The following NRBF2 variants were observed in gnomAD, a reference collection of about 807,000 sequenced individuals.
NRBF2 encodes nuclear receptor binding factor 2.
Under a neutral mutation model 28.5 loss-of-function variants are expected in NRBF2, and 12 were observed. The observed-to-expected ratio is 0.42, with a 90% CI of 0.27 to 0.68. The LOEUF (loss-of-function observed/expected upper bound fraction) is 0.68. Among genes scored for constraint, NRBF2 ranks in the 30% least tolerant of loss-of-function variants. NRBF2 has a pLI of 0.24. For missense variants in NRBF2, 274 were observed against 333.5 expected (o/e 0.82, Z 1.39); for synonymous variants, 102 against 116.5 (o/e 0.88, Z 0.80).
In NRBF2 at chr10:63,153,696, C is replaced by T; in HGVS notation, c.342C>T (p.Pro114=). The T allele has an allele frequency of 1.2e-6, 2 of 1,612,250 alleles. No individual in the cohort carries two copies. Among genetic ancestry groups the T allele is most frequent in the African/African-American group, 1.3e-5 (1 of 74,950 alleles). ...PSAEDAEGQS[P]LSQKYSPSTE... Reference sequence around the variant, plus strand: ...CAGAGGATGCAGAGGGCCAGAGTCCCCTTTCTCAGAAGTACAGCCCTTCCA... The same window carrying T: ...CAGAGGATGCAGAGGGCCAGAGTCCTCTTTCTCAGAAGTACAGCCCTTCCA... Residue 114 remains proline (P), a synonymous_variant, in exon 4 of 4, where the codon CCC becomes CCT. Coordinates refer to ENST00000277746, the MANE Select transcript of NRBF2 (RefSeq NM_030759.5).
At position 63,154,762 on chromosome 10, in the gene NRBF2, A is replaced by G. The variant is rs1294139314; in HGVS notation, c.*544A>G. On this transcript the variant is annotated 3_prime_UTR_variant, in exon 4 of 4. Transcript: ENST00000277746. ...TGTGCCACACTTTGCACTACTCATA[A>G]TGATAACCTCAAGACTATCAGAAGA... The G allele has an allele frequency of 1.8e-5, 1 of 56,482 alleles. No individual in the cohort carries two copies. Among genetic ancestry groups the G allele is most frequent in the Non-Finnish European group, 5.5e-5 (1 of 18,182 alleles). 3.5% of individuals were successfully genotyped at this position (56,482 alleles called of 1,614,324 possible).
chr10:63,154,995 G>T lies in NRBF2; in HGVS notation c.*777G>T, dbSNP rs1841712956. The T allele has an allele frequency of 6.6e-6, 1 of 152,300 alleles. No individual in the cohort carries two copies. The highest frequency in any genetic ancestry group is 1.5e-5 in the Non-Finnish European group (1 of 68,034). 9.4% of individuals were successfully genotyped at this position (152,300 alleles called of 1,614,324 possible). A position where few individuals can be genotyped will look rare whatever the true frequency, so the allele number is the denominator to read the frequency against. On this transcript the variant is annotated 3_prime_UTR_variant, in exon 4 of 4. Coordinates refer to ENST00000277746, the MANE Select transcript of NRBF2 (RefSeq NM_030759.5). The stretch of plus-strand genomic sequence containing the variant: ...TAATGCTAGTTGGCAGTATTTTATT[G>T]TAAGAAATCAATAAAGTAATTGTGT...
intron 1 of NRBF2, among the ~76,000 whole-genome samples, chr10:63,137,415 G>A (rs1055235949): frequency 1.3e-5 from 2 of 152,214 alleles, no homozygotes; most frequent in African/African-American, 4.8e-5. Context: ...TCTTTGGTTT[G>A]TTTGCTGCTG....
chr10:63,135,637 ATCTTGAATTCTTT>A (rs1262688604), intron 1 of NRBF2, among the ~76,000 whole-genome samples: 3 of 149,796 alleles, frequency 2.0e-5, no homozygotes, highest in East Asian at 3.9e-4. Context: ...GAAATTTGGC[ATCTTGAATTCTTT>A]TTTTTTTTTT....
Position 63,134,663 on chromosome 10 carries a change from A to G in NRBF2, c.30+1163A>G, listed in dbSNP as rs1490839580. Among the ~76,000 whole-genome samples, 3 of 152,266 alleles carry G rather than the reference A, an allele frequency of 2.0e-5. No homozygotes were observed. In the South Asian group the frequency reaches 6.2e-4, roughly 31 times the overall value. On this transcript the variant is annotated intron_variant, in intron 1 of 3. Coordinates refer to ENST00000277746, the MANE Select transcript of NRBF2 (RefSeq NM_030759.5). ...AAGCACTTAGAACTGTACTAAGTAC[A>G]TAGTACAGTGTAAGAGTTAGCGATT...
Position 63,133,328 on chromosome 10 carries a change from G to A in NRBF2, c.-143G>A. ...CGGAGGAGGAAGTGGTGAGGTTGTT[G>A]CTCCTTCAGCGCCTATCGCTGGCTC... is the stretch of plus-strand genomic sequence containing the variant. On this transcript the variant is annotated 5_prime_UTR_variant, in exon 1 of 4. Transcript: ENST00000277746. The A allele has an allele frequency of 3.2e-6, 3 of 944,258 alleles. No homozygotes were observed. The highest frequency in any genetic ancestry group is 2.2e-5 in the Admixed American group (1 of 44,886). The allele number at this position is 944,258 out of a possible 1,614,324, so 58.5% of individuals were successfully genotyped here.
At chr10:63,149,318 C>T (rs924549974) in intron 2 of NRBF2, among the ~76,000 whole-genome samples, 1 of 152,184 alleles carries the variant, frequency 6.6e-6, no homozygotes, top group Non-Finnish European at 1.5e-5. Context: ...GGGTTTCTAC[C>T]TTGGCCTCCC....
intron 1 of NRBF2, among the ~76,000 whole-genome samples, chr10:63,139,538 A>G (rs934848716): frequency 2.0e-5 from 3 of 152,190 alleles, no homozygotes; most frequent in South Asian, 4.1e-4. Context: ...ATGAAAACCC[A>G]CTTGAAATTA....
chr10:63,152,674 G>A (rs1841667875), intron 3 of NRBF2, among the ~76,000 whole-genome samples: 1 of 152,144 alleles, frequency 6.6e-6, no homozygotes, highest in Non-Finnish European at 1.5e-5. Context: ...TCTGTGTTTG[G>A]GGAGGCCCTG....
chr10:63,147,353 T>C (rs913231882), intron 2 of NRBF2, among the ~76,000 whole-genome samples: 2 of 151,626 alleles, frequency 1.3e-5, no homozygotes, highest in Admixed American at 6.6e-5. Flanking sequence ...GGAGTCTTGC[T>C]CTGTCGCCCA....
At chr10:63,144,053 C>T (rs539057925) in intron 1 of NRBF2, among the ~76,000 whole-genome samples, 2 of 152,054 alleles carry the variant, frequency 1.3e-5, no homozygotes, top group East Asian at 3.9e-4. Flanking sequence ...CCACAGCACC[C>T]AGCCACTTTT....
chr10:63,146,041 T>G (rs1304909135), intron 1 of NRBF2, among the ~76,000 whole-genome samples, 168 bp from the exon 2 acceptor site: 1 of 152,234 alleles, frequency 6.6e-6, no homozygotes, highest in African/African-American at 2.4e-5. Context: ...ATGCTGCAGT[T>G]CTAGGCTCTA....
rs140925041 is a variant in NRBF2 at position 63,134,095 on chromosome 10, C to T, written c.30+595C>T. Among the ~76,000 whole-genome samples the T allele has an allele frequency of 5.9e-5, 9 of 151,638 alleles. No individual in the cohort carries two copies. The East Asian group carries it at 1.6e-3, about 26-fold the overall frequency. ...CGTCTTCCAAATATATTAGAGACAG[C>T]TGGGAAAAAGACAGCCGTTCCTGTA... On this transcript the variant is annotated intron_variant, in intron 1 of 3. Transcript: ENST00000277746.
Position 63,154,080 on chromosome 10 carries a change from C to T in NRBF2, c.726C>T (p.Thr242=), listed in dbSNP as rs1436585117. The change falls in exon 4 of 4, where the codon ACC becomes ACT. Residue 242 remains threonine, a synonymous_variant. Coordinates refer to ENST00000277746, the MANE Select transcript of NRBF2 (RefSeq NM_030759.5). ...PHAETATASS[T]WQKFAANTGK... ...CAGAAACTGCTACAGCCTCCTCAAC[C>T]TGGCAGAAGTTCGCAGCAAATACTG... is the stretch of plus-strand genomic sequence containing the variant. 1.9e-6 allele frequency: 3 copies of T among 1,613,722 alleles called. No individual in the cohort carries two copies. Among genetic ancestry groups the T allele is most frequent in the Non-Finnish European group, 2.5e-6 (3 of 1,179,864 alleles).
chr10:63,149,550 A>G (rs906804173), intron 2 of NRBF2, among the ~76,000 whole-genome samples: 8 of 152,188 alleles, frequency 5.3e-5, no homozygotes, highest in African/African-American at 9.7e-5. Flanking sequence ...TTTTGTTTCT[A>G]TTGTGAGTCT....
intron 1 of NRBF2, among the ~76,000 whole-genome samples, chr10:63,134,026 C>T (rs935964442): frequency 5.4e-5 from 8 of 148,600 alleles, no homozygotes; most frequent in African/African-American, 1.5e-4. Flanking sequence ...CCTCCACTTC[C>T]CCCTCATTTC....
At chr10:63,153,021 A>T (rs1841673211) in intron 3 of NRBF2, among the ~76,000 whole-genome samples, 1 of 152,200 alleles carries the variant, frequency 6.6e-6, no homozygotes, top group South Asian at 2.1e-4. Context: ...ATATCTTTTT[A>T]AAAACTTTTT....
In NRBF2 at chr10:63,146,287, G is replaced by A. The variant is rs1243346877; in HGVS notation, c.109G>A (p.Ala37Thr). The change falls in exon 2 of 4, where the codon GCT becomes ACT. Residue 37 changes from alanine to threonine, a missense_variant. Ala to Thr is a moderately conservative substitution (Grantham distance 58, BLOSUM62 0). Coordinates refer to ENST00000277746, the MANE Select transcript of NRBF2 (RefSeq NM_030759.5). Reference protein sequence around the residue: ...YEEAISCHKKAAAYLSEAMKL... With the variant: ...YEEAISCHKKTAAYLSEAMKL... ...AGAGGCTATTTCTTGTCACAAAAAG[G>A]CTGCAGGTGAGTATTCTTATTAAGT... 1.2e-6 allele frequency: 2 copies of A among 1,609,786 alleles called. No homozygotes were observed. Among genetic ancestry groups the A allele is most frequent in the Admixed American group, 1.7e-5 (1 of 59,224 alleles).
chr10:63,148,759 A>G (rs751266930), intron 2 of NRBF2, among the ~76,000 whole-genome samples: 6 of 152,210 alleles, frequency 3.9e-5, no homozygotes, highest in Non-Finnish European at 7.3e-5. Context: ...GAGGTGGACA[A>G]TGGCTGAATT....
Sources: allele counts gnomAD v4.1 joint callset (sites outside exome capture counted in the v4.1 genomes callset), GRCh38; gene constraint gnomAD v4.1.1; transcripts MANE v1.5; gene names NCBI Gene and HGNC (gene_info 2026-07-23, HGNC 2026-07-21).